SLC28A3: variants seen among roughly 807,000 people sequenced by gnomAD.
SLC28A3 encodes the protein concentrative Na(+)-nucleoside cotransporter 3.
A neutral mutation model predicts 84.2 loss-of-function variants in SLC28A3; 68 were observed. That is an observed-to-expected ratio of 0.81 (90% CI 0.66 to 0.99). The LOEUF is 0.99. SLC28A3 is among the 50% of genes least tolerant of loss of function. The probability of loss-of-function intolerance (pLI) is 0.00; values close to 1 mark genes in which losing one functional copy is unlikely to be tolerated. For synonymous variants in SLC28A3, 267 were observed against 303.6 expected (o/e 0.88, Z 1.25); for missense variants, 712 against 841.5 (o/e 0.85, Z 1.90).
chr9:84,334,933 G>A (rs767744740), intron 1 of SLC28A3, among the ~76,000 whole-genome samples: 5 of 151,930 alleles, frequency 3.3e-5, no homozygotes, highest in Admixed American at 2.6e-4. Context: ...TCTCCAGATC[G>A]CCCCTCTCCT....
intron 14 of SLC28A3, among the ~76,000 whole-genome samples, chr9:84,281,738 A>G (rs1824756263): frequency 6.6e-6 from 1 of 152,264 alleles, no homozygotes; most frequent in Non-Finnish European, 1.5e-5. Flanking sequence ...AGGCAAATGG[A>G]TAAACAATTG....
At chr9:84,335,877 CT>C (rs1334339219) in intron 1 of SLC28A3, among the ~76,000 whole-genome samples, 1 of 152,010 alleles carries the variant, frequency 6.6e-6, no homozygotes. Context: ...CATTTAGGCC[CT>C]CATCTTTACT....
At chr9:84,278,414 A>C in intron 17 of SLC28A3, 70 bp from the exon 18 acceptor site, 2 of 1,591,294 alleles carry the variant, frequency 1.3e-6, no homozygotes, top group African/African-American at 2.7e-5. Flanking sequence ...GCAGACAATG[A>C]CATTAAAAAT....
intron 14 of SLC28A3, among the ~76,000 whole-genome samples, chr9:84,282,455 C>T (rs1486574214): frequency 1.3e-5 from 2 of 152,208 alleles, no homozygotes; most frequent in African/African-American, 4.8e-5. Flanking sequence ...TCTCAGCTAT[C>T]ACAGGAGCTT....
In SLC28A3 at chr9:84,278,195, T is replaced by G. The variant is rs770464509; in HGVS notation, c.*23A>C. ...AAAATTCAGCATCTGTACTTCAGAG[T>G]TCCACTGGAGAAGTGGCTGACCTCA... On this transcript the variant is annotated 3_prime_UTR_variant, in exon 18 of 18. Transcript: ENST00000376238. The G allele has an allele frequency of 2.3e-5, 37 of 1,609,684 alleles. No individual in the cohort carries two copies. Among genetic ancestry groups the G allele is most frequent in the African/African-American group, 2.7e-5 (2 of 74,718 alleles).
At chr9:84,288,294 A>G in intron 11 of SLC28A3, 116 bp from the exon 12 acceptor site, 1 of 1,450,572 alleles carries the variant, frequency 6.9e-7, no homozygotes, top group Non-Finnish European at 9.4e-7. Flanking sequence ...TCTATTCCAG[A>G]AGACAATGTT....
chr9:84,309,593 G>A (rs1425200587), intron 3 of SLC28A3, 36 bp downstream of exon 3: 6 of 1,469,228 alleles, frequency 4.1e-6, no homozygotes, highest in Non-Finnish European at 5.7e-6. Flanking sequence ...CAAACGGGAG[G>A]TAGGCTTGGT....
intron 14 of SLC28A3, among the ~76,000 whole-genome samples, chr9:84,283,413 T>C (rs1420479345): frequency 6.6e-6 from 1 of 152,222 alleles, no homozygotes; most frequent in East Asian, 1.9e-4. Context: ...TAAGATGAAT[T>C]ACGGTGTGCT....
At chr9:84,332,058 A>T (rs1188396439) in intron 1 of SLC28A3, among the ~76,000 whole-genome samples, 4 of 152,158 alleles carry the variant, frequency 2.6e-5, no homozygotes, top group Admixed American at 1.3e-4. Context: ...AGCAAACTTG[A>T]CTCCTACCTT....
At chr9:84,310,512 TTGAG>T (rs1308441480) in intron 2 of SLC28A3, 7 of 985,440 alleles carry the variant, frequency 7.1e-6, no homozygotes, top group Non-Finnish European at 8.4e-6. Context: ...GTGGAGCAGT[TTGAG>T]TGTGCTCTAA....
chr9:84,292,825 T>C, intron 9 of SLC28A3, 77 bp from the exon 10 acceptor site: 1 of 943,606 alleles, frequency 1.1e-6, no homozygotes, highest in Non-Finnish European at 1.5e-6. Context: ...TTAAAATCCT[T>C]AAACTGGTGT....
the SLC28A3 span, among the ~76,000 whole-genome samples, chr9:84,365,745 C>A: frequency 3.3e-5 from 5 of 152,058 alleles, no homozygotes; most frequent in Admixed American, 3.3e-4. Context: ...TGTATATTTT[C>A]AGACAAGATT....
intron 1 of SLC28A3, among the ~76,000 whole-genome samples, chr9:84,331,074 T>C (rs920234552): frequency 1.3e-5 from 2 of 152,136 alleles, no homozygotes; most frequent in Non-Finnish European, 2.9e-5. Flanking sequence ...CCTTATACCC[T>C]CTCTCTCTGA....
At chr9:84,282,475 C>T (rs1824794292) in intron 14 of SLC28A3, among the ~76,000 whole-genome samples, 1 of 152,294 alleles carries the variant, frequency 6.6e-6, no homozygotes, top group African/African-American at 2.4e-5. Context: ...TCCTTATAGT[C>T]TGGCCATGGT....
intron 8 of SLC28A3, 39 bp from the exon 9 acceptor site, chr9:84,294,314 C>T (rs1390895279): frequency 5.0e-6 from 8 of 1,598,852 alleles, no homozygotes; most frequent in Non-Finnish European, 5.1e-6. Flanking sequence ...ATGATGGGTC[C>T]AGCTGCACCA....
rs552724497 is a variant in SLC28A3 at position 84,323,103 on chromosome 9, T to C, written c.61-9649A>G. Among the ~76,000 whole-genome samples, 559 of 152,306 alleles carry C rather than the reference T, an allele frequency of 3.7e-3. 3 individuals are homozygous for C. The highest frequency in any genetic ancestry group is 4.9e-3 in the Non-Finnish European group (333 of 68,026). ...GCAACTTCCATAGTCCTCACATAAATGGATTGCGGTATTTGCTATAGGAAG... is the reference window on the plus strand; with the variant it reads ...GCAACTTCCATAGTCCTCACATAAACGGATTGCGGTATTTGCTATAGGAAG... On this transcript the variant is annotated intron_variant, in intron 1 of 17. Coordinates refer to ENST00000376238, the MANE Select transcript of SLC28A3 (RefSeq NM_001199633.2).
chr9:84,368,443 A>T, the SLC28A3 span, among the ~76,000 whole-genome samples: 2 of 152,032 alleles, frequency 1.3e-5, no homozygotes, highest in African/African-American at 4.8e-5. Flanking sequence ...CCCCACACTG[A>T]TACAGTACCT....
At chr9:84,280,657 T>C (rs112606473) in intron 15 of SLC28A3, 144 bp downstream of exon 15, 1 of 763,984 alleles carries the variant, frequency 1.3e-6, no homozygotes, top group South Asian at 1.8e-5. Context: ...TATTGCAGAC[T>C]AGAGATTAAA....
chr9:84,328,571 C>A (rs1826660240), intron 1 of SLC28A3, among the ~76,000 whole-genome samples: 2 of 152,042 alleles, frequency 1.3e-5, no homozygotes, highest in South Asian at 4.2e-4. Flanking sequence ...CCAGCCTGAC[C>A]AATATGGTGA....
Sources: gnomAD v4.1 joint callset for allele counts (sites outside exome capture counted in the v4.1 genomes callset) on GRCh38, gnomAD v4.1.1 for gene constraint, MANE v1.5 for transcripts, NCBI Gene and HGNC (gene_info 2026-07-23, HGNC 2026-07-21) for gene names.